RIPK4: variants seen among roughly 807,000 people sequenced by gnomAD.
The protein encoded by RIPK4 is receptor interacting serine/threonine kinase 4.
Under a neutral mutation model 42.9 loss-of-function variants are expected in RIPK4, and 17 were observed. The ratio of observed to expected loss-of-function variants is 0.40; its 90% CI spans 0.27 to 0.59. The LOEUF (loss-of-function observed/expected upper bound fraction) is 0.59, where lower values mean the gene tolerates loss of function less well. Among genes scored for constraint, RIPK4 ranks in the 20% least tolerant of loss-of-function variants. The pLI, the probability that RIPK4 is intolerant of heterozygous loss-of-function variation, is 0.47. For synonymous variants in RIPK4, 498 were observed against 499.1 expected, an observed-to-expected ratio of 1.00 and a Z score of 0.03; for missense variants, 897 against 1,104.4, an observed-to-expected ratio of 0.81 and a Z score of 2.66.
chr21:41,751,025 G>A lies in RIPK4; in HGVS notation c.623+72C>T. The A allele has an allele frequency of 6.5e-7, 1 of 1,543,442 alleles. No homozygotes were observed. The highest frequency in any genetic ancestry group is 1.2e-5 in the South Asian group (1 of 80,508). ...GCAAGAGGCCTTTCTGAAAGCTGCA[G>A]CTCAGGGCATGAAGCATTGAGGTTG... is the stretch of plus-strand genomic sequence containing the variant. On this transcript the variant is annotated intron_variant, in intron 3 of 7. Coordinates refer to ENST00000332512, the MANE Select transcript of RIPK4 (RefSeq NM_020639.3). This position sits in a 1 kb window ranked among gnomAD's most constrained non-coding sequence, Gnocchi z 4.5.
At chr21:41,750,693 T>G (rs927912883) in intron 3 of RIPK4, among the ~76,000 whole-genome samples, 1 of 152,090 alleles carries the variant, frequency 6.6e-6, no homozygotes, top group East Asian at 1.9e-4. Context: ...TGTTTGTTTG[T>G]TTTTTAGACA....
At position 41,740,168 on chromosome 21, in the gene RIPK4, T is replaced by C. The variant is rs1235165289; in HGVS notation, c.*670A>G. 6.6e-6 allele frequency: 1 copy of C among 152,138 alleles called. No homozygotes were observed. Among genetic ancestry groups the C allele is most frequent in the African/African-American group, 2.4e-5 (1 of 41,416 alleles). The allele number at this position is 152,138 out of a possible 1,614,324, so 9.4% of individuals were successfully genotyped here. A position where few individuals can be genotyped will look rare whatever the true frequency, so the allele number is the denominator to read the frequency against. On this transcript the variant is annotated 3_prime_UTR_variant, in exon 8 of 8. Transcript: ENST00000332512. ...TGTCCACAAGGACTCACCCAAGTAA[T>C]AGACTGGAATGGTTAAGAGCTGGCC...
At position 41,756,639 on chromosome 21, in the gene RIPK4, T is replaced by G. The variant is rs13049286; in HGVS notation, c.360A>C (p.Arg120=). ...SEPLPWDLRF[R]IIHETAVGMN... ...TGCCCACCGCCGTCTCGTGGATGAT[T>G]CGGAACCGGAGATCCCATGGCAATG... Residue 120 remains arginine (R), a synonymous_variant, in exon 2 of 8, where the codon CGA becomes CGC. Transcript: ENST00000332512. 0.14 allele frequency: 219,080 copies of G among 1,613,896 alleles called. 15,935 individuals are homozygous for G. The highest frequency in any genetic ancestry group is 0.23 in the Middle Eastern group (1,371 of 6,062).
intron 1 of RIPK4, among the ~76,000 whole-genome samples, chr21:41,762,534 C>T (rs1481376886): frequency 6.6e-6 from 1 of 152,196 alleles, no homozygotes; most frequent in Non-Finnish European, 1.5e-5. Context: ...TCGGGTGTCG[C>T]CCGGCGGCAT....
Position 41,746,626 on chromosome 21 carries a change from C to T in RIPK4, c.819G>A (p.Arg273=), listed in dbSNP as rs139503982. 1,541 of 1,609,710 alleles carry T rather than the reference C, an allele frequency of 9.6e-4. 8 individuals carry two copies. Among genetic ancestry groups the T allele is most frequent in the African/African-American group, 7.7e-3 (580 of 75,048 alleles). The change falls in exon 5 of 8, where the codon AGG becomes AGA. Residue 273 remains arginine, a synonymous_variant. Transcript: ENST00000332512. ...QRCWQGDPRV[R]PTFQEITSET... Reference sequence around the variant, plus strand: ...CGGGGTGCTCACCTTGGAAGGTGGGCCTAACTCGCGGATCCCCCTGCCAGC... The same window carrying T: ...CGGGGTGCTCACCTTGGAAGGTGGGTCTAACTCGCGGATCCCCCTGCCAGC...
intron 1 of RIPK4, among the ~76,000 whole-genome samples, chr21:41,757,617 T>C (rs2061207741): frequency 6.6e-6 from 1 of 151,926 alleles, no homozygotes; most frequent in African/African-American, 2.4e-5. Flanking sequence ...CAGTTATTCC[T>C]GAATCCAACC....
chr21:41,752,021 T>G (rs2061190075), intron 2 of RIPK4, among the ~76,000 whole-genome samples: 1 of 151,972 alleles, frequency 6.6e-6, no homozygotes, highest in East Asian at 1.9e-4. Context: ...TGGAGCTCAC[T>G]GGGGAGACTT....
intron 1 of RIPK4, among the ~76,000 whole-genome samples, chr21:41,764,166 C>A (rs935877342): frequency 2.0e-5 from 3 of 152,158 alleles, no homozygotes; most frequent in Non-Finnish European, 4.4e-5. Flanking sequence ...GGGCGGCCCC[C>A]CAACCTTTCC....
At position 41,751,098 on chromosome 21, in the gene RIPK4, T is replaced by C. The variant is rs2061187006; in HGVS notation, c.622A>G (p.Ser208Gly). 6.2e-7 allele frequency: 1 copy of C among 1,613,704 alleles called. No homozygotes were observed. Among genetic ancestry groups the C allele is most frequent in the Non-Finnish European group, 8.5e-7 (1 of 1,179,920 alleles). The change falls in exon 3 of 8, where the codon AGC becomes GGC. Residue 208 changes from serine (S) to glycine (G), a missense_variant and splice_region_variant. By Grantham distance (56) the Ser-to-Gly change is moderately conservative. Coordinates refer to ENST00000332512, the MANE Select transcript of RIPK4 (RefSeq NM_020639.3). The surrounding 1 kb of genome is among the most constrained non-coding windows in gnomAD (Gnocchi z 4.5). ...RLFDTKHDVY[S>G]FAIVIWGVLT... ...GATGGGGGGCGGCATGTCACACACC[T>C]GTATACATCGTGCTTGGTGTCGAAG...
intron 5 of RIPK4, 50 bp from the exon 6 acceptor site, chr21:41,745,912 C>A: frequency 7.2e-7 from 1 of 1,391,478 alleles, no homozygotes; most frequent in Non-Finnish European, 1.0e-6. Context: ...CTTCTGCGTA[C>A]ACACGCGTTC....
At chr21:41,757,775 C>T (rs1478577879) in intron 1 of RIPK4, among the ~76,000 whole-genome samples, 2 of 150,972 alleles carry the variant, frequency 1.3e-5, no homozygotes, top group Non-Finnish European at 3.0e-5. Context: ...CCGAAACAGG[C>T]AGATCACAAG....
chr21:41,758,596 C>A (rs555733020), intron 1 of RIPK4, among the ~76,000 whole-genome samples: 1 of 152,342 alleles, frequency 6.6e-6, no homozygotes, highest in East Asian at 1.9e-4. Context: ...TGGTCACAGT[C>A]TATGTGTCAC....
rs201477363 is a variant in RIPK4, at chr21:41,743,977, C to A, written c.1100G>T (p.Ser367Ile). ...GGACACCCCCGAGAGCCTCTTCCCA[C>A]TGCCGGACGATGGCAGCTTGGACTC... ...SSESKLPSSG[S>I]GKRLSGVSSV... is the part of the protein sequence containing the mutation. The change falls in exon 7 of 8, where the codon AGT becomes ATT. Residue 367 changes from serine (S) to isoleucine (I), a missense_variant. Transcript: ENST00000332512. 8.1e-5 allele frequency: 130 copies of A among 1,613,564 alleles called. No homozygotes were observed. The East Asian group carries it at 2.7e-3, about 34-fold the overall frequency.
chr21:41,767,043 G>T lies in RIPK4; in HGVS notation c.-2C>A. On this transcript the variant is annotated 5_prime_UTR_variant, in exon 1 of 8. Coordinates refer to ENST00000332512, the MANE Select transcript of RIPK4 (RefSeq NM_020639.3). The surrounding 1 kb of genome is among the most constrained non-coding windows in gnomAD (Gnocchi z 4.0). ...TGGGGTCCCGCCGTCGCCCTCCATC[G>T]CGCACGTCTAGCCAGCGCCGCGGCG... 1.3e-6 allele frequency: 2 copies of T among 1,565,994 alleles called. No homozygotes were observed. Among genetic ancestry groups the T allele is most frequent in the African/African-American group, 2.8e-5 (2 of 70,786 alleles).
intron 4 of RIPK4, among the ~76,000 whole-genome samples, chr21:41,748,011 C>A (rs972066148): frequency 6.6e-6 from 1 of 152,232 alleles, no homozygotes. Context: ...CTGTCCCCTG[C>A]GCCTAGCTTC....
chr21:41,749,295 T>TG, intron 3 of RIPK4, 92 bp from the exon 4 acceptor site: 4 of 1,236,638 alleles, frequency 3.2e-6, no homozygotes, highest in Non-Finnish European at 4.7e-6. Flanking sequence ...AGACACCTGT[T>TG]CTGAAGCCTT....
intron 6 of RIPK4, 58 bp from the exon 7 acceptor site, chr21:41,744,198 C>T: frequency 1.4e-6 from 2 of 1,477,904 alleles, no homozygotes; most frequent in Non-Finnish European, 1.8e-6. Context: ...GCATGGCCCG[C>T]CCATGACACA....
rs34220201 is a variant in RIPK4 at position 41,742,671 on chromosome 21, G to A, written c.1196-674C>T. On this transcript the variant is annotated intron_variant, in intron 7 of 7. Transcript: ENST00000332512. This position sits in a 1 kb window ranked among gnomAD's most constrained non-coding sequence, Gnocchi z 5.1. ...ACTCTCCTCCGCCCTCATGTGAAACGCGTGGGGACTTGGAAGTCGGCGGTG... is the reference window on the plus strand; with the variant it reads ...ACTCTCCTCCGCCCTCATGTGAAACACGTGGGGACTTGGAAGTCGGCGGTG... Among the ~76,000 whole-genome samples the A allele has an allele frequency of 0.019, 2,897 of 152,264 alleles. 45 individuals carry two copies. The highest frequency in any genetic ancestry group is 0.061 in the Middle Eastern group (18 of 294).
chr21:41,745,375 C>G (rs1347519235), intron 6 of RIPK4, among the ~76,000 whole-genome samples: 1 of 152,208 alleles, frequency 6.6e-6, no homozygotes, highest in Non-Finnish European at 1.5e-5. Flanking sequence ...CATCAGAGTG[C>G]AGACCATTTA....
Sources: allele counts gnomAD v4.1 joint callset (sites outside exome capture counted in the v4.1 genomes callset), GRCh38; gene constraint gnomAD v4.1.1; non-coding constraint Gnocchi (gnomAD v3.1); transcripts MANE v1.5; gene names NCBI Gene and HGNC (gene_info 2026-07-23, HGNC 2026-07-21).